Variants in CD37 observed in about 807,000 individuals in gnomAD.
CD37 encodes leukocyte antigen CD37.
In CD37, 37 loss-of-function variants were observed where a neutral mutation model predicts 38.9. The observed-to-expected ratio is 0.95, with a 90% CI of 0.73 to 1.25. The LOEUF (loss-of-function observed/expected upper bound fraction) is 1.25, where lower values mean the gene tolerates loss of function less well. Among genes scored for constraint, CD37 ranks in the 50% most tolerant of loss-of-function variants. The probability of loss-of-function intolerance (pLI) is 0.00; values close to 1 mark genes in which losing one functional copy is unlikely to be tolerated. For missense variants in CD37, 351 were observed against 360.1 expected, an observed-to-expected ratio of 0.97 and a Z score of 0.20; for synonymous variants, 146 against 150.1, an observed-to-expected ratio of 0.97 and a Z score of 0.20.
Position 49,338,966 on chromosome 19 carries a change from C to G in CD37, c.684+30C>G. ...GCAGGGGTTCGGAGCATAAACCTGT[C>G]GAATGGGGCGGGGCCTGCGGGAGGG... On this transcript the variant is annotated intron_variant, in intron 6 of 7. Coordinates refer to ENST00000323906, the MANE Select transcript of CD37 (RefSeq NM_001774.3). The surrounding 1 kb of genome is among the most constrained non-coding windows in gnomAD (Gnocchi z 5.0). 7.7e-6 allele frequency: 12 copies of G among 1,548,636 alleles called. No individual in the cohort carries two copies. The highest frequency in any genetic ancestry group is 1.1e-5 in the Non-Finnish European group (12 of 1,123,092).
rs1431149548 is a variant in CD37, at chr19:49,338,922, C to A, written c.670C>A (p.His224Asn). The change falls in exon 6 of 8, where the codon CAC becomes AAC. Residue 224 changes from histidine (H) to asparagine (N), a missense_variant. Transcript: ENST00000323906. This position sits in a 1 kb window ranked among gnomAD's most constrained non-coding sequence, Gnocchi z 5.0. Reference sequence around the variant, plus strand: ...CATCTGCGCTGTCCCTGCAGAGAGCCACATCTACCGCGAGGTGGGCAGGGG... The same window carrying A: ...CATCTGCGCTGTCCCTGCAGAGAGCAACATCTACCGCGAGGTGGGCAGGGG... ...ADICAVPAES[H>N]IYREGCAQGL... The A allele has an allele frequency of 1.1e-5, 18 of 1,612,856 alleles. No homozygotes were observed. Among genetic ancestry groups the A allele is most frequent in the Non-Finnish European group, 1.5e-5 (18 of 1,179,052 alleles).
At position 49,335,790 on chromosome 19, in the gene CD37, A is replaced by G; in HGVS notation, c.142+4A>G. Reference sequence around the variant, plus strand: ...ACCAGCTTCGTGTCCTTTGTGGGTGAGGGGGGCTGGGGCAGGTGGGAGGGC... The same window carrying G: ...ACCAGCTTCGTGTCCTTTGTGGGTGGGGGGGGCTGGGGCAGGTGGGAGGGC... On this transcript the variant is annotated splice_donor_region_variant and intron_variant, in intron 2 of 7. Coordinates refer to ENST00000323906, the MANE Select transcript of CD37 (RefSeq NM_001774.3). The surrounding 1 kb of genome is among the most constrained non-coding windows in gnomAD (Gnocchi z 4.6). The G allele has an allele frequency of 4.1e-6, 5 of 1,221,316 alleles. No homozygotes were observed. Among genetic ancestry groups the G allele is most frequent in the Non-Finnish European group, 6.0e-6 (5 of 833,072 alleles). The allele number at this position is 1,221,316 out of a possible 1,614,324, so 75.7% of individuals were successfully genotyped here.
At position 49,339,230 on chromosome 19, in the gene CD37, T is replaced by C; in HGVS notation, c.685-100T>C. 1.9e-6 allele frequency: 2 copies of C among 1,037,954 alleles called. No individual in the cohort carries two copies. The highest frequency in any genetic ancestry group is 2.9e-6 in the Non-Finnish European group (2 of 680,628). The allele number at this position is 1,037,954 out of a possible 1,614,324, so 64.3% of individuals were successfully genotyped here. On this transcript the variant is annotated intron_variant, in intron 6 of 7. Coordinates refer to ENST00000323906, the MANE Select transcript of CD37 (RefSeq NM_001774.3). The surrounding 1 kb of genome is among the most constrained non-coding windows in gnomAD (Gnocchi z 4.5). Reference sequence around the variant, plus strand: ...GTGCCCTGGTGACTAGGGGAGCGGGTAGATGCCTGAAGACGGTGAGGGTTG... The same window carrying C: ...GTGCCCTGGTGACTAGGGGAGCGGGCAGATGCCTGAAGACGGTGAGGGTTG...
rs1971099586 is a variant in CD37 at position 49,339,316 on chromosome 19, C to T, written c.685-14C>T. ...CCAGAAAGAATCCCTTTAACTTTTC[C>T]CTACACCCCCCAGGGCTGCGCGCAG... is the stretch of plus-strand genomic sequence containing the variant. On this transcript the variant is annotated splice_polypyrimidine_tract_variant and intron_variant, in intron 6 of 7. Coordinates refer to ENST00000323906, the MANE Select transcript of CD37 (RefSeq NM_001774.3). The surrounding 1 kb of genome is among the most constrained non-coding windows in gnomAD (Gnocchi z 4.5). The T allele has an allele frequency of 6.2e-7, 1 of 1,611,704 alleles. No individual in the cohort carries two copies.
rs576978943 is a variant in CD37 at position 49,339,498 on chromosome 19, G to A, written c.768+85G>A. The A allele has an allele frequency of 4.1e-4, 628 of 1,540,982 alleles. 3 individuals carry two copies. In the African/African-American group the frequency reaches 7.4e-3, roughly 18 times the overall value. On this transcript the variant is annotated intron_variant, in intron 7 of 7. Transcript: ENST00000323906. This position sits in a 1 kb window ranked among gnomAD's most constrained non-coding sequence, Gnocchi z 4.5. ...CATTTCGCGTCCTTCGGTTGCCTGG[G>A]AAGGACGAGCTCAGGGCGGAGCGCA... is the stretch of plus-strand genomic sequence containing the variant.
Position 49,338,104 on chromosome 19 carries a change from C to A in CD37, c.447+75C>A. On this transcript the variant is annotated intron_variant, in intron 5 of 7. Coordinates refer to ENST00000323906, the MANE Select transcript of CD37 (RefSeq NM_001774.3). The surrounding 1 kb of genome is among the most constrained non-coding windows in gnomAD (Gnocchi z 5.0). ...GTGCTTGGAGGAGACTCCACCCCAA[C>A]GTGGGCCCGACCCCCAGCTCTACGA... 6.4e-7 allele frequency: 1 copy of A among 1,556,958 alleles called. No homozygotes were observed. The highest frequency in any genetic ancestry group is 8.7e-7 in the Non-Finnish European group (1 of 1,150,928).
chr19:49,335,567 C>A lies in CD37; in HGVS notation c.27C>A (p.Ser9Arg). 6.2e-7 allele frequency: 1 copy of A among 1,614,034 alleles called. No homozygotes were observed. Residue 9 changes from serine to arginine, a missense_variant, in exon 1 of 8, where the codon AGC becomes AGA. Ser to Arg is a moderately radical substitution (Grantham distance 110, BLOSUM62 -1). Transcript: ENST00000323906. The surrounding 1 kb of genome is among the most constrained non-coding windows in gnomAD (Gnocchi z 4.6). MSAQESCL[S>R]LIKYFLFVFN... ...TGTCAGCCCAGGAGAGCTGCCTCAG[C>A]CTCATCAAGTACTTCCTCTTCGTTT... is the stretch of plus-strand genomic sequence containing the variant.
In CD37 at chr19:49,338,717, G is replaced by A. The variant is rs763392696; in HGVS notation, c.465G>A (p.Trp155Ter). 3.7e-6 allele frequency: 6 copies of A among 1,611,938 alleles called. No individual in the cohort carries two copies. In the South Asian group the frequency reaches 6.6e-5, roughly 18 times the overall value. ...TCTCCCAGCTGCGCTGCTGCGGCTG[G>A]CACTACCCGCAGGACTGGTTCCAAG... ...YVQFQLRCCGWHYPQDWFQVL... is the reference protein window; with the variant it reads ...YVQFQLRCCG Residue 155 changes from tryptophan to a stop codon, truncating the protein, a stop_gained, in exon 6 of 8, where the codon TGG (tryptophan) becomes TGA (stop). Transcript: ENST00000323906. LOFTEE classifies it high-confidence loss of function. The surrounding 1 kb of genome is among the most constrained non-coding windows in gnomAD (Gnocchi z 5.0).
intron 2 of CD37, 103 bp from the exon 3 acceptor site, chr19:49,336,806 G>T (rs565620723): frequency 1.6e-6 from 2 of 1,233,938 alleles, no homozygotes; most frequent in Non-Finnish European, 2.3e-6. Context: ...AGAGAGAGGG[G>T]CACCAAGATA....
intron 7 of CD37, 118 bp from the exon 8 acceptor site, chr19:49,340,133 C>G: frequency 6.5e-7 from 1 of 1,532,996 alleles, no homozygotes; most frequent in Non-Finnish European, 8.9e-7. Flanking sequence ...ATCCCCTTCT[C>G]CAGCCCCTTC....
chr19:49,338,646 C>T lies in CD37; in HGVS notation c.448-54C>T. On this transcript the variant is annotated intron_variant, in intron 5 of 7. Coordinates refer to ENST00000323906, the MANE Select transcript of CD37 (RefSeq NM_001774.3). This position sits in a 1 kb window ranked among gnomAD's most constrained non-coding sequence, Gnocchi z 5.0. Reference sequence around the variant, plus strand: ...ATACCCATCACCTTGTCCCCTGATCCCCAACATCATATGTCTCCAGTCCCG... The same window carrying T: ...ATACCCATCACCTTGTCCCCTGATCTCCAACATCATATGTCTCCAGTCCCG... The T allele has an allele frequency of 7.4e-7, 1 of 1,343,462 alleles. No individual in the cohort carries two copies. Among genetic ancestry groups the T allele is most frequent in the Non-Finnish European group, 1.1e-6 (1 of 945,810 alleles). 83.2% of individuals were successfully genotyped at this position (1,343,462 alleles called of 1,614,324 possible).
rs1971102458 is a variant in CD37, at chr19:49,339,344, C to T, written c.699C>T (p.Gly233=). The T allele has an allele frequency of 6.2e-7, 1 of 1,613,830 alleles. No individual in the cohort carries two copies. The highest frequency in any genetic ancestry group is 8.5e-7 in the Non-Finnish European group (1 of 1,179,870). ...SHIYREGCAQ[G]LQKWLHNNLI... ...ACACCCCCCAGGGCTGCGCGCAGGG[C>T]CTCCAGAAGTGGCTGCACAACAACC... Residue 233 remains glycine, a synonymous_variant, in exon 7 of 8, where the codon GGC becomes GGT. Coordinates refer to ENST00000323906, the MANE Select transcript of CD37 (RefSeq NM_001774.3). This position sits in a 1 kb window ranked among gnomAD's most constrained non-coding sequence, Gnocchi z 4.5.
intron 2 of CD37, chr19:49,336,691 G>T: frequency 1.9e-6 from 1 of 539,968 alleles, no homozygotes; most frequent in Non-Finnish European, 3.3e-6. Flanking sequence ...GAAGGAGAGG[G>T]TAAGAGGAAG....
Position 49,338,761 on chromosome 19 carries a change from ACGGGT to A in CD37, c.513_517del (p.Ser172GlyfsTer22). The A allele has an allele frequency of 6.2e-7, 1 of 1,613,648 alleles. No homozygotes were observed. Among genetic ancestry groups the A allele is most frequent in the Non-Finnish European group, 8.5e-7 (1 of 1,180,022 alleles). ...TTCCAAGTCCTCATCCTGAGAGGTA[ACGGGT>A]CGGAGGCGCACCGCGTGCCCTGCTC... On this transcript the variant is annotated frameshift_variant, in exon 6 of 8. Coordinates refer to ENST00000323906, the MANE Select transcript of CD37 (RefSeq NM_001774.3). LOFTEE classifies it high-confidence loss of function. The surrounding 1 kb of genome is among the most constrained non-coding windows in gnomAD (Gnocchi z 5.0).
Position 49,340,497 on chromosome 19 carries a change from G to A in CD37, c.*169G>A. The A allele has an allele frequency of 1.5e-6, 1 of 651,394 alleles. No individual in the cohort carries two copies. The highest frequency in any genetic ancestry group is 2.2e-5 in the Admixed American group (1 of 45,782). 40.4% of individuals were successfully genotyped at this position (651,394 alleles called of 1,614,324 possible). On this transcript the variant is annotated 3_prime_UTR_variant, in exon 8 of 8. Coordinates refer to ENST00000323906, the MANE Select transcript of CD37 (RefSeq NM_001774.3). ...CCTGCTGCTGTCACCTCTCCCACGG[G>A]ACCTGGGGCTTTCGTCCACAGCTTC...
In CD37 at chr19:49,338,762, C is replaced by T. The variant is rs763615630; in HGVS notation, c.510C>T (p.Asn170=). The T allele has an allele frequency of 1.2e-6, 2 of 1,613,528 alleles. No homozygotes were observed. The highest frequency in any genetic ancestry group is 8.5e-7 in the Non-Finnish European group (1 of 1,180,002). Residue 170 remains asparagine, a synonymous_variant, in exon 6 of 8, where the codon AAC becomes AAT. Transcript: ENST00000323906. This position sits in a 1 kb window ranked among gnomAD's most constrained non-coding sequence, Gnocchi z 5.0. The stretch of plus-strand genomic sequence containing the variant: ...TCCAAGTCCTCATCCTGAGAGGTAA[C>T]GGGTCGGAGGCGCACCGCGTGCCCT... ...DWFQVLILRG[N]GSEAHRVPCS...
chr19:49,340,347 T>C lies in CD37; in HGVS notation c.*19T>C, dbSNP rs777316549. 1.6e-5 allele frequency: 25 copies of C among 1,544,902 alleles called. No homozygotes were observed. The Admixed American group carries it at 2.7e-4, about 17-fold the overall frequency. Reference sequence around the variant, plus strand: ...CCGTTAGGCCCCGCCCTCCCCAAAGTCCCGCCCCGCCCCCGTCACGTGCGC... The same window carrying C: ...CCGTTAGGCCCCGCCCTCCCCAAAGCCCCGCCCCGCCCCCGTCACGTGCGC... On this transcript the variant is annotated 3_prime_UTR_variant, in exon 8 of 8. Transcript: ENST00000323906.
chr19:49,340,110 C>A, intron 7 of CD37, 141 bp from the exon 8 acceptor site: 1 of 1,533,596 alleles, frequency 6.5e-7, no homozygotes, highest in Non-Finnish European at 8.8e-7. Flanking sequence ...TCGAGCCCCG[C>A]CCTTTTCTAC....
intron 7 of CD37, 94 bp from the exon 8 acceptor site, chr19:49,340,157 G>A: frequency 4.7e-6 from 6 of 1,286,700 alleles, no homozygotes; most frequent in East Asian, 3.2e-5. Context: ...CCCAATTCAC[G>A]GCCCCACCCC....
Sources: allele counts gnomAD v4.1 joint callset, GRCh38; gene constraint gnomAD v4.1.1; non-coding constraint Gnocchi (gnomAD v3.1); transcripts MANE v1.5; gene names NCBI Gene and HGNC (gene_info 2026-07-23, HGNC 2026-07-21).